OTULINL: variants seen among roughly 807,000 people sequenced by gnomAD.
OTULINL encodes OTU deubiquitinase with linear linkage specificity like, also known as inactive ubiquitin thioesterase OTULINL.
A neutral mutation model predicts 43.9 loss-of-function variants in OTULINL; 42 were observed. The observed-to-expected ratio is 0.96, with a 90% CI of 0.75 to 1.24. The LOEUF is 1.24. Ranked by LOEUF, OTULINL falls within the 50% of genes most tolerant of loss-of-function variation. The probability of loss-of-function intolerance (pLI) is 0.00; values close to 1 mark genes in which losing one functional copy is unlikely to be tolerated. For missense variants in OTULINL, 411 were observed against 426.4 expected (o/e 0.96, Z 0.32); for synonymous variants, 172 against 153.6 (o/e 1.12, Z -0.88).
chr5:14,611,807 CCTTT>C lies in OTULINL; in HGVS notation c.*1496_*1499del, dbSNP rs1297352812. ...ATATATTACTTCAAAGTCACAAATC[CCTTT>C]CTAAGAATGACTTACTTCACGAGAT... On this transcript the variant is annotated 3_prime_UTR_variant, in exon 8 of 8. Transcript: ENST00000274217. 6.6e-6 allele frequency: 1 copy of C among 151,924 alleles called. No individual in the cohort carries two copies. Among genetic ancestry groups the C allele is most frequent in the Non-Finnish European group, 1.5e-5 (1 of 68,002 alleles). The allele number at this position is 151,924 out of a possible 1,614,324, so 9.4% of individuals were successfully genotyped here.
intron 5 of OTULINL, among the ~76,000 whole-genome samples, chr5:14,607,036 C>A (rs1410664540): frequency 6.6e-6 from 1 of 152,166 alleles, no homozygotes; most frequent in African/African-American, 2.4e-5. Context: ...CGAGACCAGC[C>A]TGACCAACAT....
chr5:14,599,210 C>T (rs933935167), intron 1 of OTULINL, among the ~76,000 whole-genome samples: 4 of 152,146 alleles, frequency 2.6e-5, no homozygotes, highest in African/African-American at 9.7e-5. Context: ...TATTGTTGGC[C>T]AGGCGCCATG....
Position 14,607,441 on chromosome 5 carries a change from G to T in OTULINL, c.610G>T (p.Glu204Ter), listed in dbSNP as rs1759502827. The change falls in exon 6 of 8, where the codon GAA (glutamate) becomes TAA (stop). Residue 204 changes from glutamate to a stop codon, truncating the protein, a stop_gained. Coordinates refer to ENST00000274217, the MANE Select transcript of OTULINL (RefSeq NM_019018.3). LOFTEE classifies it high-confidence loss of function. ...NVFGKLRKYV[E>*]LLKTQWTEFN... ...GTTTGGAAAACTACGGAAATATGTG[G>T]AATTATTGAAAACACAGGTAAGTGT... 1.9e-6 allele frequency: 3 copies of T among 1,613,940 alleles called. No individual in the cohort carries two copies. In the East Asian group the frequency reaches 6.7e-5, roughly 36 times the overall value.
At position 14,614,682 on chromosome 5, in the gene OTULINL, T is replaced by A. The variant is rs897212221; in HGVS notation, c.*4368T>A. On this transcript the variant is annotated 3_prime_UTR_variant, in exon 8 of 8. Coordinates refer to ENST00000274217, the MANE Select transcript of OTULINL (RefSeq NM_019018.3). ...CGAAGTGTACACCATGTCTCTGCAC[T>A]TGAAGCTCATGGAATGTGTTGGAGG... The A allele has an allele frequency of 5.0e-6, 2 of 398,576 alleles. No individual in the cohort carries two copies. The highest frequency in any genetic ancestry group is 2.1e-5 in the African/African-American group (1 of 48,658). 24.7% of individuals were successfully genotyped at this position (398,576 alleles called of 1,614,324 possible). A position where few individuals can be genotyped will look rare whatever the true frequency, so the allele number is the denominator to read the frequency against.
chr5:14,596,019 C>G (rs1759281385), intron 1 of OTULINL, among the ~76,000 whole-genome samples: 1 of 152,150 alleles, frequency 6.6e-6, no homozygotes, highest in Admixed American at 6.5e-5. Flanking sequence ...TAAAGAGGAT[C>G]AAATCCATAA....
intron 1 of OTULINL, among the ~76,000 whole-genome samples, chr5:14,584,649 CTAT>C (rs1759074018): frequency 6.6e-6 from 1 of 152,144 alleles, no homozygotes; most frequent in South Asian, 2.1e-4. Flanking sequence ...GCTGCCACTA[CTAT>C]TATTAATATT....
intron 5 of OTULINL, among the ~76,000 whole-genome samples, chr5:14,605,227 G>T (rs1028978441): frequency 1.1e-4 from 16 of 152,210 alleles, no homozygotes; most frequent in Non-Finnish European, 2.2e-4. Flanking sequence ...AAGGCTTGGG[G>T]CTTGCACCCT....
chr5:14,609,700 C>G (rs772962760), intron 7 of OTULINL, among the ~76,000 whole-genome samples: 5 of 148,654 alleles, frequency 3.4e-5, no homozygotes, highest in Non-Finnish European at 5.9e-5. Flanking sequence ...GCGCGATCTC[C>G]GCTCACTGCA....
chr5:14,597,026 A>G (rs1759299201), intron 1 of OTULINL, among the ~76,000 whole-genome samples: 1 of 152,166 alleles, frequency 6.6e-6, no homozygotes, highest in African/African-American at 2.4e-5. Context: ...TTCATACCAT[A>G]GTATATCACA....
Position 14,608,801 on chromosome 5 carries a change from C to T in OTULINL, c.681C>T (p.Asn227=). Residue 227 remains asparagine, a synonymous_variant, in exon 7 of 8, where the codon AAC becomes AAT. Coordinates refer to ENST00000274217, the MANE Select transcript of OTULINL (RefSeq NM_019018.3). The stretch of plus-strand genomic sequence containing the variant: ...ATCACAAGAGAGGAAGTATGTGCAA[C>T]ACCCTTTTTTCAGATGCCATTCTGG... ...RDYHKRGSMC[N]TLFSDAILEY... The T allele has an allele frequency of 6.2e-7, 1 of 1,613,332 alleles. No individual in the cohort carries two copies. Among genetic ancestry groups the T allele is most frequent in the Non-Finnish European group, 8.5e-7 (1 of 1,179,372 alleles).
At chr5:14,583,279 A>G (rs1759048388) in intron 1 of OTULINL, among the ~76,000 whole-genome samples, 1 of 152,292 alleles carries the variant, frequency 6.6e-6, no homozygotes, top group African/African-American at 2.4e-5. Context: ...CTCCCAGTGG[A>G]GAAGAACTCT....
chr5:14,597,905 G>T (rs1021010635), intron 1 of OTULINL, among the ~76,000 whole-genome samples: 1 of 152,134 alleles, frequency 6.6e-6, no homozygotes, highest in African/African-American at 2.4e-5. Context: ...TTTTCTGACG[G>T]GTTGATCATA....
At position 14,613,145 on chromosome 5, in the gene OTULINL, C is replaced by T. The variant is rs2126789629; in HGVS notation, c.*2831C>T. On this transcript the variant is annotated 3_prime_UTR_variant, in exon 8 of 8. Transcript: ENST00000274217. ...CACCATTTAGCCAGGCTGATCTGAA[C>T]TCCTGACCTTGGGCGATCCGCCTAC... Among the ~76,000 whole-genome samples the T allele has an allele frequency of 6.6e-6, 1 of 152,258 alleles. No homozygotes were observed. Among genetic ancestry groups the T allele is most frequent in the Non-Finnish European group, 1.5e-5 (1 of 68,028 alleles).
In OTULINL at chr5:14,602,306, T is replaced by C. The variant is rs748615470; in HGVS notation, c.472T>C (p.Trp158Arg). 2 of 1,613,740 alleles carry C rather than the reference T, an allele frequency of 1.2e-6. No homozygotes were observed. Among genetic ancestry groups the C allele is most frequent in the Non-Finnish European group, 1.7e-6 (2 of 1,179,858 alleles). The change falls in exon 5 of 8, where the codon TGG becomes CGG. Residue 158 changes from tryptophan to arginine, a missense_variant. Trp to Arg is a moderately radical substitution (Grantham distance 101). Transcript: ENST00000274217. ...IFSQGISFPSWMKEKDIVKLP... is the reference protein window; with the variant it reads ...IFSQGISFPSRMKEKDIVKLP... ...CAGCCAGGGCATCTCTTTTCCATCATGGATGAAAGAAAAGGACATTGTTAA... is the reference window on the plus strand; with the variant it reads ...CAGCCAGGGCATCTCTTTTCCATCACGGATGAAAGAAAAGGACATTGTTAA...
Position 14,613,464 on chromosome 5 carries a change from A to AGAGGGAGTTAGGTACAACCTAG in OTULINL, c.*3159_*3180dup, listed in dbSNP as rs1171754690. 5.3e-5 allele frequency among the ~76,000 whole-genome samples: 8 copies of AGAGGGAGTTAGGTACAACCTAG among 152,202 alleles called. No individual in the cohort carries two copies. Among genetic ancestry groups the AGAGGGAGTTAGGTACAACCTAG allele is most frequent in the African/African-American group, 1.9e-4 (8 of 41,446 alleles). ...AGCCTCAGTGGAGAAGTACAACCTA[A>AGAGGGAGTTAGGTACAACCTAG]GAGGGAGTTAGGTACAACCTAGGAG... On this transcript the variant is annotated 3_prime_UTR_variant, in exon 8 of 8. Transcript: ENST00000274217.
At chr5:14,582,323 C>T (rs1432439779) in intron 1 of OTULINL, among the ~76,000 whole-genome samples, 1 of 151,896 alleles carries the variant, frequency 6.6e-6, no homozygotes, top group African/African-American at 2.4e-5. Context: ...GAGGTCGCGC[C>T]CTGCGCCTGG....
intron 1 of OTULINL, among the ~76,000 whole-genome samples, chr5:14,595,289 C>G (rs1759267039): frequency 6.6e-6 from 1 of 152,062 alleles, no homozygotes; most frequent in African/African-American, 2.4e-5. Flanking sequence ...TGAATAAGAT[C>G]AGGAGAGGAA....
intron 1 of OTULINL, among the ~76,000 whole-genome samples, chr5:14,587,248 ACT>A (rs1280798132): frequency 3.3e-5 from 5 of 152,064 alleles, no homozygotes; most frequent in Non-Finnish European, 7.4e-5. Context: ...TTGCTTGTGA[ACT>A]CTCTAGAGTT....
In OTULINL at chr5:14,610,332, C is replaced by T. The variant is rs1759560043; in HGVS notation, c.*18C>T. ...TCTTTTAAGTCCGCTGGGGGCCGAA[C>T]AGCAGTGCTCACCAGTGACGGTGGT... is the stretch of plus-strand genomic sequence containing the variant. On this transcript the variant is annotated 3_prime_UTR_variant, in exon 8 of 8. Coordinates refer to ENST00000274217, the MANE Select transcript of OTULINL (RefSeq NM_019018.3). The T allele has an allele frequency of 3.7e-6, 6 of 1,610,746 alleles. No homozygotes were observed. Among genetic ancestry groups the T allele is most frequent in the South Asian group, 1.1e-5 (1 of 90,968 alleles).
Sources: gnomAD v4.1 joint callset for allele counts (sites outside exome capture counted in the v4.1 genomes callset) on GRCh38, gnomAD v4.1.1 for gene constraint, MANE v1.5 for transcripts, NCBI Gene and HGNC (gene_info 2026-07-23, HGNC 2026-07-21) for gene names.